The following GALNTL6 variants were observed in gnomAD, a reference collection of about 807,000 sequenced individuals.
GALNTL6 encodes polypeptide N-acetylgalactosaminyltransferase-like 6.
Under a neutral mutation model 73.7 loss-of-function variants are expected in GALNTL6, and 46 were observed. The ratio of observed to expected loss-of-function variants is 0.62; its 90% CI spans 0.49 to 0.80. GALNTL6 has a LOEUF of 0.80. GALNTL6 is among the 30% of genes least tolerant of loss of function. GALNTL6 has a pLI of 0.00. For missense variants in GALNTL6, 604 were observed against 755.0 expected, an observed-to-expected ratio of 0.80 and a Z score of 2.34; for synonymous variants, 259 against 263.7, an observed-to-expected ratio of 0.98 and a Z score of 0.17.
chr4:172,576,208 C>T (rs984153550), intron 5 of GALNTL6, among the ~76,000 whole-genome samples: 18 of 152,136 alleles, frequency 1.2e-4, no homozygotes, highest in African/African-American at 2.4e-4. Flanking sequence ...CCATGAGGCA[C>T]GCTCATTACA....
At chr4:172,332,489 A>G (rs34799646) in intron 4 of GALNTL6, among the ~76,000 whole-genome samples, 24,610 of 150,740 alleles carry the variant, frequency 0.16, 2,168 homozygotes, top group African/African-American at 0.21. Flanking sequence ...AGTCCTTGTT[A>G]TCTACTTTAC....
intron 9 of GALNTL6, among the ~76,000 whole-genome samples, chr4:172,934,261 G>A (rs1216844956): frequency 6.6e-6 from 1 of 152,134 alleles, no homozygotes; most frequent in East Asian, 1.9e-4. Context: ...TATGTCCACT[G>A]AATTAACGAG....
rs567918976 is a variant in GALNTL6 at position 172,657,008 on chromosome 4, T to C, written c.554-152353T>C. Among the ~76,000 whole-genome samples the C allele has an allele frequency of 5.3e-5, 8 of 152,164 alleles. No homozygotes were observed. In the South Asian group the frequency reaches 1.7e-3, roughly 32 times the overall value. On this transcript the variant is annotated intron_variant, in intron 5 of 12. Transcript: ENST00000506823. Reference sequence around the variant, plus strand: ...GTCTCATTATTTGGCAAAATTGCAATAACCTCCTTTCATTAGTAAGAGAAA... The same window carrying C: ...GTCTCATTATTTGGCAAAATTGCAACAACCTCCTTTCATTAGTAAGAGAAA...
chr4:171,932,974 T>C (rs1196732305), intron 2 of GALNTL6, among the ~76,000 whole-genome samples: 5 of 152,190 alleles, frequency 3.3e-5, no homozygotes, highest in Non-Finnish European at 7.3e-5. Flanking sequence ...CAGTATCACC[T>C]GTGTGTTTGC....
At chr4:173,013,165 G>T (rs1184233351) in intron 11 of GALNTL6, among the ~76,000 whole-genome samples, 1 of 152,198 alleles carries the variant, frequency 6.6e-6, no homozygotes, top group South Asian at 2.1e-4. Context: ...GAGGAATGGT[G>T]TTGGACTGTT....
intron 2 of GALNTL6, among the ~76,000 whole-genome samples, chr4:172,225,611 C>T (rs1488755344): frequency 6.6e-6 from 1 of 151,846 alleles, no homozygotes; most frequent in African/African-American, 2.4e-5. Flanking sequence ...CCATGATGGC[C>T]GGGTGCGATG....
chr4:172,139,855 G>A (rs1415130110), intron 2 of GALNTL6, among the ~76,000 whole-genome samples: 1 of 151,894 alleles, frequency 6.6e-6, no homozygotes, highest in African/African-American at 2.4e-5. Context: ...CCACTTTGTT[G>A]TCATTCTGAT....
intron 2 of GALNTL6, among the ~76,000 whole-genome samples, chr4:172,001,825 C>T (rs1010020831): frequency 2.5e-4 from 38 of 152,124 alleles, no homozygotes; most frequent in African/African-American, 8.7e-4. Context: ...AATTTTTCTC[C>T]TAGCCAAAGT....
chr4:171,868,898 C>A (rs929854761), intron 2 of GALNTL6, among the ~76,000 whole-genome samples: 3 of 152,154 alleles, frequency 2.0e-5, no homozygotes, highest in Non-Finnish European at 2.9e-5. Flanking sequence ...CCAGGCTGGT[C>A]TCGAACTCCT....
chr4:172,880,025 A>T (rs1344501524), intron 7 of GALNTL6, among the ~76,000 whole-genome samples: 1 of 152,140 alleles, frequency 6.6e-6, no homozygotes, highest in Admixed American at 6.5e-5. Context: ...TGGTGAGGAC[A>T]TGAAGTAAAT....
At chr4:171,952,745 T>A (rs1738922050) in intron 2 of GALNTL6, among the ~76,000 whole-genome samples, 1 of 152,096 alleles carries the variant, frequency 6.6e-6, no homozygotes, top group African/African-American at 2.4e-5. Flanking sequence ...CCTGATCTAA[T>A]GAGTAAAAAT....
chr4:172,368,597 T>C (rs12502593), intron 5 of GALNTL6, among the ~76,000 whole-genome samples: 84,460 of 152,020 alleles, frequency 0.56, 26,800 homozygotes, highest in South Asian at 0.72. Context: ...TCAAGTGCTG[T>C]TGTGTCCGGA....
chr4:172,566,624 C>G (rs981064000), intron 5 of GALNTL6, among the ~76,000 whole-genome samples: 3 of 148,684 alleles, frequency 2.0e-5, no homozygotes, highest in Non-Finnish European at 4.5e-5. Flanking sequence ...TATCAAGGAC[C>G]AAGAAAAAGA....
chr4:172,968,933 G>C (rs1176492115), intron 10 of GALNTL6, among the ~76,000 whole-genome samples: 1 of 151,914 alleles, frequency 6.6e-6, no homozygotes, highest in Non-Finnish European at 1.5e-5. Context: ...GCTGAGACAA[G>C]GATAAAGATA....
intron 2 of GALNTL6, among the ~76,000 whole-genome samples, chr4:171,914,780 T>TAAAAAAAAA (rs11447734): frequency 6.9e-6 from 1 of 144,824 alleles, no homozygotes; most frequent in African/African-American, 2.5e-5. Flanking sequence ...GTAAAAATGA[T>TAAAAAAAAA]AAAAAAAAAA....
intron 5 of GALNTL6, among the ~76,000 whole-genome samples, chr4:172,764,854 T>C (rs1030640822): frequency 1.3e-5 from 2 of 152,340 alleles, no homozygotes; most frequent in Admixed American, 1.3e-4. Flanking sequence ...CTACTGAAGG[T>C]TAATTCCACA....
chr4:171,934,473 G>C (rs754239133), intron 2 of GALNTL6, among the ~76,000 whole-genome samples: 29 of 152,140 alleles, frequency 1.9e-4, no homozygotes, highest in Non-Finnish European at 4.0e-4. Flanking sequence ...CAGTGCAGTG[G>C]TATGATCATG....
chr4:172,076,035 T>C (rs527420010), intron 2 of GALNTL6, among the ~76,000 whole-genome samples: 2 of 152,332 alleles, frequency 1.3e-5, no homozygotes, highest in African/African-American at 4.8e-5. Context: ...GCATGTTTGG[T>C]AGAGGGAAAA....
intron 7 of GALNTL6, among the ~76,000 whole-genome samples, chr4:172,870,039 G>A (rs1206401837): frequency 6.7e-6 from 1 of 150,060 alleles, no homozygotes; most frequent in Non-Finnish European, 1.5e-5. Flanking sequence ...CATGGGTCCA[G>A]GTGACCTTTA....
Sources: gnomAD v4.1 joint callset for allele counts (sites outside exome capture counted in the v4.1 genomes callset) on GRCh38, gnomAD v4.1.1 for gene constraint, MANE v1.5 for transcripts, NCBI Gene and HGNC (gene_info 2026-07-23, HGNC 2026-07-21) for gene names.